MOCOS: variants seen among roughly 807,000 people sequenced by gnomAD.
The protein encoded by MOCOS is molybdenum cofactor sulfurase.
Under a neutral mutation model 83.6 loss-of-function variants are expected in MOCOS, and 86 were observed. That is an observed-to-expected ratio of 1.03 (90% CI 0.86 to 1.23). The LOEUF (loss-of-function observed/expected upper bound fraction) is 1.23. Among genes scored for constraint, MOCOS ranks in the 50% most tolerant of loss-of-function variants. MOCOS has a pLI of 0.00. For missense variants in MOCOS, 1,120 were observed against 1,126.9 expected (o/e 0.99, Z 0.09); for synonymous variants, 445 against 434.7 (o/e 1.02, Z -0.29).
intron 9 of MOCOS, among the ~76,000 whole-genome samples, chr18:36,230,040 AT>A (rs2091532167): frequency 1.3e-5 from 2 of 151,700 alleles, no homozygotes; most frequent in Admixed American, 1.3e-4. Flanking sequence ...TCTTTGCCTG[AT>A]TCTTCATTTT....
Position 36,203,103 on chromosome 18 carries a change from G to T in MOCOS, c.942-10G>T. On this transcript the variant is annotated splice_polypyrimidine_tract_variant and intron_variant, in intron 4 of 14. Transcript: ENST00000261326. ...CAGCTTGACCTGTTCTCCTTACCCC[G>T]TGGTTATAGGTTTGAAGATGGCACC... 1 of 1,613,474 alleles carries T rather than the reference G, an allele frequency of 6.2e-7. No homozygotes were observed. The highest frequency in any genetic ancestry group is 2.2e-5 in the East Asian group (1 of 44,880).
chr18:36,207,020 G>A (rs1435462941), intron 6 of MOCOS, among the ~76,000 whole-genome samples: 2 of 152,102 alleles, frequency 1.3e-5, no homozygotes, highest in African/African-American at 4.8e-5. Flanking sequence ...AAGGAATTGG[G>A]ATGGCTGGAT....
chr18:36,228,876 C>T (rs2091527905), intron 9 of MOCOS, among the ~76,000 whole-genome samples: 1 of 151,162 alleles, frequency 6.6e-6, no homozygotes, highest in Admixed American at 6.6e-5. Context: ...GCCATGTTTC[C>T]CAAGCTGGTT....
In MOCOS at chr18:36,269,884, C is replaced by T. The variant is rs1415454925; in HGVS notation, c.*1199C>T. 1.3e-5 allele frequency: 2 copies of T among 152,338 alleles called. No individual in the cohort carries two copies. Among genetic ancestry groups the T allele is most frequent in the South Asian group, 2.1e-4 (1 of 4,826 alleles). The allele number at this position is 152,338 out of a possible 1,614,324, so 9.4% of individuals were successfully genotyped here. ...CTGCTGCTCAGTTGGAGAGCAGGCT[C>T]CAGGCTCAGGCTTCCCTAATGTATC... On this transcript the variant is annotated 3_prime_UTR_variant, in exon 15 of 15. Coordinates refer to ENST00000261326, the MANE Select transcript of MOCOS (RefSeq NM_017947.4).
At chr18:36,256,486 G>C (rs978224796) in intron 11 of MOCOS, among the ~76,000 whole-genome samples, 1 of 151,696 alleles carries the variant, frequency 6.6e-6, no homozygotes, top group Non-Finnish European at 1.5e-5. Flanking sequence ...GTGTTGCTGT[G>C]TCACCCAGGC....
intron 6 of MOCOS, among the ~76,000 whole-genome samples, chr18:36,212,820 G>T (rs1309667040): frequency 6.6e-6 from 1 of 152,158 alleles, no homozygotes; most frequent in Admixed American, 6.5e-5. Flanking sequence ...TCCTCCTCCT[G>T]AATTCAGCCT....
chr18:36,201,261 T>C (rs961782513), intron 4 of MOCOS, among the ~76,000 whole-genome samples: 23 of 152,202 alleles, frequency 1.5e-4, no homozygotes, highest in Admixed American at 7.2e-4. Flanking sequence ...GTGTTAGCTG[T>C]GTAAGCCTCA....
chr18:36,252,557 C>A lies in MOCOS; in HGVS notation c.2164+1274C>A, dbSNP rs1354938482. 4.0e-5 allele frequency among the ~76,000 whole-genome samples: 6 copies of A among 151,072 alleles called. No homozygotes were observed. The East Asian group carries it at 1.2e-3, about 29-fold the overall frequency. On this transcript the variant is annotated intron_variant, in intron 11 of 14. Coordinates refer to ENST00000261326, the MANE Select transcript of MOCOS (RefSeq NM_017947.4). ...TGGGTGACAAAGCGAGACTCTGTCT[C>A]AAAAAAAAATTTAAAAAATTGCTAG... is the stretch of plus-strand genomic sequence containing the variant.
At chr18:36,195,641 T>C (rs893864406) in intron 2 of MOCOS, among the ~76,000 whole-genome samples, 1 of 152,196 alleles carries the variant, frequency 6.6e-6, no homozygotes, top group Non-Finnish European at 1.5e-5. Context: ...TGAGTGACCC[T>C]GTATAGTGCA....
Position 36,251,225 on chromosome 18 carries a change from T to C in MOCOS, c.2106T>C (p.Cys702=). ...SWLSTFFGRP[C]HLIKQSSNSQ... is the part of the protein sequence containing the mutation. ...TGTCAACATTTTTTGGCCGTCCTTG[T>C]CATTTGATCAAACAAAGTTCAAACT... Residue 702 remains cysteine (C), a synonymous_variant, in exon 11 of 15, where the codon TGT becomes TGC. Transcript: ENST00000261326. 6.2e-7 allele frequency: 1 copy of C among 1,614,004 alleles called. No homozygotes were observed. The highest frequency in any genetic ancestry group is 1.1e-5 in the South Asian group (1 of 91,072).
At chr18:36,208,059 C>T (rs975748437) in intron 6 of MOCOS, among the ~76,000 whole-genome samples, 11 of 152,066 alleles carry the variant, frequency 7.2e-5, no homozygotes, top group Non-Finnish European at 1.0e-4. Context: ...GAGTCTTTTC[C>T]CCATTGCTTG....
At chr18:36,251,062 G>A (rs368281140) in intron 10 of MOCOS, 97 bp from the exon 11 acceptor site, 4 of 1,441,886 alleles carry the variant, frequency 2.8e-6, no homozygotes, top group Middle Eastern at 2.4e-4. Flanking sequence ...GCAATGTTTT[G>A]TTTTATTTTA....
chr18:36,263,807 T>A (rs1182287481), intron 13 of MOCOS, among the ~76,000 whole-genome samples: 2 of 152,256 alleles, frequency 1.3e-5, no homozygotes, highest in Admixed American at 6.5e-5. Flanking sequence ...AAACACATTT[T>A]AAAAATACTA....
intron 9 of MOCOS, among the ~76,000 whole-genome samples, chr18:36,246,376 G>A (rs1458748944): frequency 6.6e-6 from 1 of 152,196 alleles, no homozygotes; most frequent in African/African-American, 2.4e-5. Flanking sequence ...AAGCCAGACT[G>A]CAGTGATTGT....
Position 36,187,688 on chromosome 18 carries a change from CG to C in MOCOS, c.142+10del, listed in dbSNP as rs1386449856. ...GAGTTCAGCCGCCTGGCAGGTGAGGCGGGCGGGCAGGCTTGGGGGACACGAG... is the reference window on the plus strand; with the variant it reads ...GAGTTCAGCCGCCTGGCAGGTGAGGCGGCGGGCAGGCTTGGGGGACACGAG... On this transcript the variant is annotated splice_region_variant and intron_variant, in intron 1 of 14. Coordinates refer to ENST00000261326, the MANE Select transcript of MOCOS (RefSeq NM_017947.4). 7.9e-7 allele frequency: 1 copy of C among 1,265,156 alleles called. No homozygotes were observed. Among genetic ancestry groups the C allele is most frequent in the Non-Finnish European group, 9.9e-7 (1 of 1,005,524 alleles). 78.4% of individuals were successfully genotyped at this position (1,265,156 alleles called of 1,614,324 possible). A position where few individuals can be genotyped will look rare whatever the true frequency, so the allele number is the denominator to read the frequency against.
chr18:36,241,632 G>C (rs137871889), intron 9 of MOCOS, among the ~76,000 whole-genome samples: 2 of 152,214 alleles, frequency 1.3e-5, no homozygotes, highest in African/African-American at 4.8e-5. Flanking sequence ...CCCCTGTGGG[G>C]ACTCTGTGGA....
chr18:36,232,962 T>C (rs2091544091), intron 9 of MOCOS, among the ~76,000 whole-genome samples: 1 of 152,106 alleles, frequency 6.6e-6, no homozygotes, highest in South Asian at 2.1e-4. Context: ...TGAATAGTGC[T>C]GCAATAAAAA....
intron 6 of MOCOS, among the ~76,000 whole-genome samples, chr18:36,213,117 G>A (rs1037296937): frequency 2.6e-5 from 4 of 152,182 alleles, no homozygotes; most frequent in African/African-American, 2.4e-5. Flanking sequence ...GGGGCTGCTC[G>A]GAATAACACT....
At chr18:36,258,376 C>T (rs547089759) in intron 12 of MOCOS, among the ~76,000 whole-genome samples, 13 of 152,236 alleles carry the variant, frequency 8.5e-5, no homozygotes, top group East Asian at 5.8e-4. Context: ...TGCCCTTTTA[C>T]GAAGCCCAAA....
Sources: gnomAD v4.1 joint callset for allele counts (sites outside exome capture counted in the v4.1 genomes callset) on GRCh38, gnomAD v4.1.1 for gene constraint, MANE v1.5 for transcripts, NCBI Gene and HGNC (gene_info 2026-07-23, HGNC 2026-07-21) for gene names.